CDK14: variants seen among roughly 807,000 people sequenced by gnomAD.
CDK14 encodes cyclin-dependent kinase 14.
CDK14 carries 34 observed loss-of-function variants against 60.7 expected under a neutral mutation model. The observed-to-expected ratio is 0.56, with a 90% CI of 0.43 to 0.75. The LOEUF (loss-of-function observed/expected upper bound fraction) is 0.75, where lower values mean the gene tolerates loss of function less well. Ranked by LOEUF, CDK14 falls within the 30% of genes least tolerant of loss-of-function variation. The pLI is 0.00. For synonymous variants in CDK14, 197 were observed against 203.7 expected, an observed-to-expected ratio of 0.97 and a Z score of 0.28; for missense variants, 482 against 564.1, an observed-to-expected ratio of 0.85 and a Z score of 1.47.
intron 2 of CDK14, among the ~76,000 whole-genome samples, chr7:90,648,689 G>T (rs1464820573): frequency 6.6e-6 from 1 of 152,140 alleles, no homozygotes; most frequent in Non-Finnish European, 1.5e-5. Context: ...CAGATTTGGG[G>T]AAGCTAGGAA....
chr7:91,195,046 T>G (rs1388244870), intron 14 of CDK14, among the ~76,000 whole-genome samples: 1 of 152,240 alleles, frequency 6.6e-6, no homozygotes, highest in Non-Finnish European at 1.5e-5. Flanking sequence ...TGTTCTTTGC[T>G]CTGCCACTAA....
At chr7:90,919,734 A>AT (rs1294537480) in intron 8 of CDK14, among the ~76,000 whole-genome samples, 2 of 152,176 alleles carry the variant, frequency 1.3e-5, no homozygotes. Flanking sequence ...AACGGCTTAG[A>AT]TTTTTTTCAT....
chr7:90,689,478 C>T (rs1801509051), intron 2 of CDK14, among the ~76,000 whole-genome samples: 1 of 152,006 alleles, frequency 6.6e-6, no homozygotes, highest in South Asian at 2.1e-4. Context: ...AGAGGAAGGG[C>T]ATGAATGAAT....
At chr7:90,732,767 T>G (rs1200451348) in intron 3 of CDK14, among the ~76,000 whole-genome samples, 1 of 152,194 alleles carries the variant, frequency 6.6e-6, no homozygotes, top group Non-Finnish European at 1.5e-5. Flanking sequence ...GTCTATCTAT[T>G]TTGTTGATCT....
chr7:90,878,096 GAGAGAGAGAGAGAGAC>G (rs1584077345), intron 6 of CDK14, among the ~76,000 whole-genome samples: 1 of 150,564 alleles, frequency 6.6e-6, no homozygotes, highest in Non-Finnish European at 1.5e-5. Context: ...GTGTGTGTGA[GAGAGAGAGAGAGAGAC>G]AGAGAGAGAG....
At chr7:90,959,784 T>C (rs1459100407) in intron 9 of CDK14, among the ~76,000 whole-genome samples, 6 of 152,174 alleles carry the variant, frequency 3.9e-5, no homozygotes, top group African/African-American at 1.4e-4. Context: ...CTCCAACACT[T>C]GCAATGAACA....
intron 5 of CDK14, among the ~76,000 whole-genome samples, chr7:90,841,342 A>G (rs1442809548): frequency 1.3e-5 from 2 of 152,142 alleles, no homozygotes; most frequent in Non-Finnish European, 2.9e-5. Flanking sequence ...AGCTGTAAAA[A>G]ATATAGCCTC....
intron 2 of CDK14, among the ~76,000 whole-genome samples, chr7:90,693,960 T>C (rs1801606165): frequency 6.6e-6 from 1 of 152,168 alleles, no homozygotes; most frequent in Admixed American, 6.6e-5. Context: ...AGTATGTTGT[T>C]GGAATTAAGT....
At chr7:90,778,529 G>T (rs1478535499) in intron 4 of CDK14, among the ~76,000 whole-genome samples, 1 of 152,266 alleles carries the variant, frequency 6.6e-6, no homozygotes, top group Non-Finnish European at 1.5e-5. Flanking sequence ...TGCAGACACA[G>T]AAGTTAATCA....
In CDK14 at chr7:91,089,572, A is replaced by G. The variant is rs1245153624; in HGVS notation, c.1154+10092A>G. On this transcript the variant is annotated intron_variant, in intron 12 of 14. Coordinates refer to ENST00000380050, the MANE Select transcript of CDK14 (RefSeq NM_001287135.2). ...TAGAGGGCAGCATGCTCTGAGGGGA[A>G]AAAAAAAAAAAAACAGGCAACTGTT... Among the ~76,000 whole-genome samples the G allele has an allele frequency of 3.0e-3, 111 of 36,446 alleles. No homozygotes were observed. In the East Asian group the frequency reaches 0.17, roughly 57 times the overall value. The allele number at this position is 36,446 out of a possible 152,430, so 23.9% of individuals were successfully genotyped here.
At chr7:90,735,941 A>G (rs1223896732) in intron 3 of CDK14, among the ~76,000 whole-genome samples, 6 of 152,184 alleles carry the variant, frequency 3.9e-5, no homozygotes, top group Admixed American at 1.3e-4. Flanking sequence ...CTTGAAACCC[A>G]GGCCCTGGTG....
chr7:90,611,504 T>C (rs1461121795), intron 2 of CDK14, among the ~76,000 whole-genome samples: 1 of 152,240 alleles, frequency 6.6e-6, no homozygotes, highest in African/African-American at 2.4e-5. Context: ...AAAAACCTGA[T>C]GCTATCCTAA....
intron 8 of CDK14, among the ~76,000 whole-genome samples, chr7:90,954,454 T>C (rs1283053279): frequency 6.6e-6 from 1 of 152,076 alleles, no homozygotes; most frequent in African/African-American, 2.4e-5. Flanking sequence ...TTTTTTCTTT[T>C]AAAAAATGAC....
At chr7:91,136,246 T>G (rs886906270) in intron 14 of CDK14, among the ~76,000 whole-genome samples, 9 of 152,184 alleles carry the variant, frequency 5.9e-5, no homozygotes, top group African/African-American at 2.2e-4. Context: ...TTCTAAAATA[T>G]GATGTTCTAT....
chr7:90,828,886 C>T (rs935289793), intron 5 of CDK14, among the ~76,000 whole-genome samples: 5 of 152,092 alleles, frequency 3.3e-5, no homozygotes, highest in Non-Finnish European at 7.4e-5. Flanking sequence ...CTATATTAGT[C>T]CAGTTGCATA....
At chr7:90,740,288 G>GAGAA (rs1562746989) in intron 3 of CDK14, among the ~76,000 whole-genome samples, 1 of 149,574 alleles carries the variant, frequency 6.7e-6, no homozygotes, top group Non-Finnish European at 1.5e-5. Flanking sequence ...GAGAGAGAGA[G>GAGAA]AGAAAGAAAG....
At chr7:91,170,699 A>G (rs1801487876) in intron 14 of CDK14, among the ~76,000 whole-genome samples, 2 of 151,630 alleles carry the variant, frequency 1.3e-5, no homozygotes, top group Admixed American at 6.6e-5. Context: ...ATTTTAAATG[A>G]TTTTGTCATA....
chr7:91,028,961 T>C (rs545997621), intron 10 of CDK14, among the ~76,000 whole-genome samples: 1 of 152,270 alleles, frequency 6.6e-6, no homozygotes, highest in South Asian at 2.1e-4. Context: ...TTAGTTTAAT[T>C]AAGTCTCATT....
At chr7:90,769,552 C>T (rs537550194) in intron 4 of CDK14, among the ~76,000 whole-genome samples, 2 of 151,724 alleles carry the variant, frequency 1.3e-5, no homozygotes, top group African/African-American at 2.4e-5. Context: ...CTGCAACCTC[C>T]GCCTCCTGGG....
Sources: allele counts gnomAD v4.1 joint callset (sites outside exome capture counted in the v4.1 genomes callset), GRCh38; gene constraint gnomAD v4.1.1; transcripts MANE v1.5; gene names NCBI Gene and HGNC (gene_info 2026-07-23, HGNC 2026-07-21).